Variants in NADK2 observed in about 807,000 individuals in gnomAD.
The protein encoded by NADK2 is NAD kinase domain-containing protein 1, mitochondrial.
NADK2 carries 35 observed loss-of-function variants against 62.1 expected under a neutral mutation model. The ratio of observed to expected loss-of-function variants is 0.56; its 90% confidence interval spans 0.43 to 0.75. The LOEUF (loss-of-function observed/expected upper bound fraction) is 0.75. Among genes scored for constraint, NADK2 ranks in the 30% least tolerant of loss-of-function variants. The pLI is 0.00. For synonymous variants in NADK2, 205 were observed against 207.9 expected, an observed-to-expected ratio of 0.99 and a Z score of 0.12; for missense variants, 439 against 561.3, an observed-to-expected ratio of 0.78 and a Z score of 2.20.
At chr5:36,207,753 T>C (rs1355806840) in intron 7 of NADK2, among the ~76,000 whole-genome samples, 1 of 152,148 alleles carries the variant, frequency 6.6e-6, no homozygotes, top group Admixed American at 6.6e-5. Context: ...ACCTTTTGAA[T>C]TGGTAGTAAG....
intron 1 of NADK2, among the ~76,000 whole-genome samples, chr5:36,237,711 G>C (rs771947467): frequency 6.6e-5 from 10 of 152,150 alleles, no homozygotes; most frequent in Non-Finnish European, 1.3e-4. Flanking sequence ...TTCATGAAGG[G>C]ACTTATCTGC....
rs781766188 is a variant in NADK2, at chr5:36,225,636, A to C, written c.479-13T>G. On this transcript the variant is annotated splice_polypyrimidine_tract_variant and intron_variant, in intron 3 of 11. Coordinates refer to ENST00000381937, the MANE Select transcript of NADK2 (RefSeq NM_001085411.3). Reference sequence around the variant, plus strand: ...ATTGTGCCATCACCTAAGGAACATAAGACAAAATACAAGACATAACCAAAT... The same window carrying C: ...ATTGTGCCATCACCTAAGGAACATACGACAAAATACAAGACATAACCAAAT... 6.2e-7 allele frequency: 1 copy of C among 1,608,684 alleles called. No individual in the cohort carries two copies. Among genetic ancestry groups the C allele is most frequent in the Non-Finnish European group, 8.5e-7 (1 of 1,178,058 alleles).
intron 8 of NADK2, among the ~76,000 whole-genome samples, chr5:36,202,794 G>C (rs1746495288): frequency 6.6e-6 from 1 of 152,084 alleles, no homozygotes; most frequent in South Asian, 2.1e-4. Context: ...CGTGATGGAA[G>C]AACTCTGGCT....
Position 36,226,125 on chromosome 5 carries a change from T to C in NADK2, c.478+350A>G, listed in dbSNP as rs576959489. Among the ~76,000 whole-genome samples, 5 of 152,300 alleles carry C rather than the reference T, an allele frequency of 3.3e-5. No homozygotes were observed. The South Asian group carries it at 1.0e-3, about 32-fold the overall frequency. ...TCAGAAAAAAGTAAGTACAAGTATA[T>C]TGGGACCAAAGAGGAATAGAATTTA... On this transcript the variant is annotated intron_variant, in intron 3 of 11. Coordinates refer to ENST00000381937, the MANE Select transcript of NADK2 (RefSeq NM_001085411.3).
chr5:36,241,485 G>A lies in NADK2; in HGVS notation c.300+14C>T, dbSNP rs1291582790. The A allele has an allele frequency of 5.2e-6, 8 of 1,527,572 alleles. No homozygotes were observed. The East Asian group carries it at 1.3e-4, about 25-fold the overall frequency. 94.6% of individuals were successfully genotyped at this position (1,527,572 alleles called of 1,614,324 possible). On this transcript the variant is annotated intron_variant, in intron 1 of 11. Coordinates refer to ENST00000381937, the MANE Select transcript of NADK2 (RefSeq NM_001085411.3). This position sits in a 1 kb window ranked among gnomAD's most constrained non-coding sequence, Gnocchi z 4.9. The stretch of plus-strand genomic sequence containing the variant: ...CCGAGCCCGGGAGCGAAGCGGGGCC[G>A]AGCCAGGACCCACCAGCTGCTTCAG...
At chr5:36,228,793 TA>T (rs200484463) in intron 1 of NADK2, among the ~76,000 whole-genome samples, 4,084 of 145,426 alleles carry the variant, frequency 0.028, 116 homozygotes, top group African/African-American at 0.057. Flanking sequence ...TAATTTATTT[TA>T]TTTTTTTTTT....
intron 6 of NADK2, among the ~76,000 whole-genome samples, chr5:36,213,546 T>C (rs376073909): frequency 6.7e-6 from 1 of 148,646 alleles, no homozygotes. Flanking sequence ...GAGCACTTGT[T>C]GTTTACCTAA....
intron 1 of NADK2, among the ~76,000 whole-genome samples, chr5:36,230,886 A>C (rs1254186730): frequency 6.6e-6 from 1 of 152,256 alleles, no homozygotes; most frequent in African/African-American, 2.4e-5. Context: ...AAGGCACTGC[A>C]AACTGCCAAA....
intron 1 of NADK2, among the ~76,000 whole-genome samples, chr5:36,238,474 A>T (rs190290702): frequency 2.2e-4 from 33 of 152,248 alleles, no homozygotes; most frequent in African/African-American, 7.2e-4. Context: ...CTACATTAAA[A>T]TTTTTTTTCC....
intron 2 of NADK2, among the ~76,000 whole-genome samples, chr5:36,227,040 A>G (rs1278415116): frequency 6.6e-6 from 1 of 152,170 alleles, no homozygotes; most frequent in Non-Finnish European, 1.5e-5. Context: ...TGTTTCTCAC[A>G]CTGACTCTCT....
intron 7 of NADK2, chr5:36,208,610 A>T: frequency 6.7e-7 from 1 of 1,502,324 alleles, no homozygotes; most frequent in South Asian, 1.2e-5. Flanking sequence ...TTTTTAAGGC[A>T]GCAATAAAAC....
rs776974621 is a variant in NADK2 at position 36,227,585 on chromosome 5, A to G, written c.301-20T>C. 1.5e-6 allele frequency: 2 copies of G among 1,346,272 alleles called. No individual in the cohort carries two copies. Among genetic ancestry groups the G allele is most frequent in the Non-Finnish European group, 2.0e-6 (2 of 992,528 alleles). The allele number at this position is 1,346,272 out of a possible 1,614,324, so 83.4% of individuals were successfully genotyped here. A position where few individuals can be genotyped will look rare whatever the true frequency, so the allele number is the denominator to read the frequency against. On this transcript the variant is annotated intron_variant, in intron 1 of 11. Coordinates refer to ENST00000381937, the MANE Select transcript of NADK2 (RefSeq NM_001085411.3). The stretch of plus-strand genomic sequence containing the variant: ...TGCAAGCTATATCAAAACAAAAGAA[A>G]CGTTGTTTTACTAATATATATTACA...
At chr5:36,202,088 G>C (rs942718683) in intron 8 of NADK2, among the ~76,000 whole-genome samples, 2 of 151,922 alleles carry the variant, frequency 1.3e-5, no homozygotes, top group Non-Finnish European at 2.9e-5. Context: ...TTAACGTTTT[G>C]GGGGAGTGAG....
rs1748109026 is a variant in NADK2 at position 36,241,327 on chromosome 5, G to A, written c.300+172C>T. 7.9e-7 allele frequency: 1 copy of A among 1,270,562 alleles called. No homozygotes were observed. Among genetic ancestry groups the A allele is most frequent in the Non-Finnish European group, 1.0e-6 (1 of 986,292 alleles). 78.7% of individuals were successfully genotyped at this position (1,270,562 alleles called of 1,614,324 possible). A position where few individuals can be genotyped will look rare whatever the true frequency, so the allele number is the denominator to read the frequency against. On this transcript the variant is annotated intron_variant, in intron 1 of 11. Coordinates refer to ENST00000381937, the MANE Select transcript of NADK2 (RefSeq NM_001085411.3). This position sits in a 1 kb window ranked among gnomAD's most constrained non-coding sequence, Gnocchi z 4.9. The stretch of plus-strand genomic sequence containing the variant: ...CCTCTCCCTCGCACACACGCCCAAA[G>A]GCAAAGGAGGCCCAGGGAGAAGCCA...
rs1746854794 is a variant in NADK2 at position 36,211,780 on chromosome 5, GAATA to G, written c.860+60_860+63del. On this transcript the variant is annotated intron_variant, in intron 7 of 11. Transcript: ENST00000381937. ...AAATCTTAGCCAGGTTGTAGAAACTGAATAAATATCCAAAAGCACTAAAACATTA... is the reference window on the plus strand; with the variant it reads ...AAATCTTAGCCAGGTTGTAGAAACTGAATATCCAAAAGCACTAAAACATTA... The G allele has an allele frequency of 5.9e-6, 8 of 1,361,738 alleles. No individual in the cohort carries two copies. The East Asian group carries it at 1.8e-4, about 31-fold the overall frequency. 84.4% of individuals were successfully genotyped at this position (1,361,738 alleles called of 1,614,324 possible).
intron 4 of NADK2, among the ~76,000 whole-genome samples, chr5:36,224,535 C>T (rs1223496809): frequency 7.6e-6 from 1 of 130,992 alleles, no homozygotes; most frequent in Admixed American, 8.4e-5. Flanking sequence ...CCAGCCTGGG[C>T]AACAGAGCAA....
chr5:36,220,690 C>A (rs10512641), intron 4 of NADK2, among the ~76,000 whole-genome samples: 1 of 152,108 alleles, frequency 6.6e-6, no homozygotes, highest in South Asian at 2.1e-4. Flanking sequence ...TAGAATAATA[C>A]CTGCTGAGGT....
chr5:36,217,045 G>C (rs1045190769), intron 6 of NADK2, among the ~76,000 whole-genome samples: 6 of 151,948 alleles, frequency 3.9e-5, no homozygotes, highest in African/African-American at 1.5e-4. Flanking sequence ...ATAAACATCA[G>C]GTACCATGAG....
Position 36,240,529 on chromosome 5 carries a change from A to G in NADK2, c.300+970T>C, listed in dbSNP as rs144641958. Among the ~76,000 whole-genome samples the G allele has an allele frequency of 3.9e-5, 6 of 152,338 alleles. No individual in the cohort carries two copies. In the East Asian group the frequency reaches 1.2e-3, roughly 29 times the overall value. ...TTTTGGTGCACAGTGCCAACAATTA[A>G]GAGATTTCCAATATATTTTTCTGGA... is the stretch of plus-strand genomic sequence containing the variant. On this transcript the variant is annotated intron_variant, in intron 1 of 11. Transcript: ENST00000381937.
Sources: gnomAD v4.1 joint callset for allele counts (sites outside exome capture counted in the v4.1 genomes callset) on GRCh38, gnomAD v4.1.1 for gene constraint, Gnocchi (gnomAD v3.1) non-coding constraint, MANE v1.5 for transcripts, NCBI Gene and HGNC (gene_info 2026-07-23, HGNC 2026-07-21) for gene names.